ZNF527: variants seen among roughly 807,000 people sequenced by gnomAD.
ZNF527 encodes the protein zinc finger protein 527.
ZNF527 carries 5 observed loss-of-function variants against 13.5 expected under a neutral mutation model. The observed-to-expected ratio is 0.37, with a 90% CI of 0.19 to 0.78. ZNF527 has a LOEUF of 0.78. ZNF527 is among the 30% of genes least tolerant of loss of function. ZNF527 has a pLI of 0.48. For missense variants in ZNF527, 628 were observed against 726.4 expected (o/e 0.86, Z 1.56); for synonymous variants, 209 against 243.1 (o/e 0.86, Z 1.30).
At chr19:37,375,740 C>G (rs61290534) in intron 2 of ZNF527, among the ~76,000 whole-genome samples, 1 of 151,798 alleles carries the variant, frequency 6.6e-6, no homozygotes, top group African/African-American at 2.4e-5. Context: ...GGAAAGAGAT[C>G]GAAGGACTGG....
intron 2 of ZNF527, among the ~76,000 whole-genome samples, chr19:37,377,238 A>C (rs899558882): frequency 6.6e-6 from 1 of 152,176 alleles, no homozygotes; most frequent in African/African-American, 2.4e-5. Flanking sequence ...GAGAGAGGCG[A>C]AAATGTCTTC....
At position 37,389,797 on chromosome 19, in the gene ZNF527, A is replaced by C. The variant is rs1235968423; in HGVS notation, c.1748A>C (p.Lys583Thr). The change falls in exon 5 of 5, where the codon AAA (lysine) becomes ACA (threonine). Residue 583 changes from lysine (K) to threonine (T), a missense_variant. Physicochemically the swap from Lys to Thr is moderately conservative, Grantham distance 78 (BLOSUM62 -1). This residue lies in a region of ZNF527 where 592 missense variants were observed against 678.0 expected (regional missense o/e 0.87). Coordinates refer to ENST00000436120, the MANE Select transcript of ZNF527 (RefSeq NM_032453.2). ...ATTCACGCTGGAGAAAAACCTTATA[A>C]ATGTAACGAATGTGGGAATAATTTT... ...QRIHAGEKPY[K>T]CNECGNNFSC... 2.5e-6 allele frequency: 4 copies of C among 1,613,400 alleles called. No individual in the cohort carries two copies. The highest frequency in any genetic ancestry group is 3.3e-5 in the Admixed American group (2 of 60,014).
intron 4 of ZNF527, among the ~76,000 whole-genome samples, chr19:37,381,519 C>A (rs1006774050): frequency 6.6e-6 from 1 of 152,134 alleles, no homozygotes; most frequent in African/African-American, 2.4e-5. Flanking sequence ...TGCATCATTC[C>A]AAAGGATGTA....
intron 2 of ZNF527, among the ~76,000 whole-genome samples, chr19:37,377,650 T>C (rs16979502): frequency 0.029 from 4,461 of 152,252 alleles, 69 homozygotes; most frequent in Middle Eastern, 0.075. Context: ...CTGGGGCTCA[T>C]AACAGCATAG....
chr19:37,377,438 A>G (rs1350495329), intron 2 of ZNF527, among the ~76,000 whole-genome samples: 1 of 152,178 alleles, frequency 6.6e-6, no homozygotes, highest in Non-Finnish European at 1.5e-5. Context: ...TGAAATAGTT[A>G]TCAGGAGAGG....
At chr19:37,384,112 A>T (rs185687853) in intron 4 of ZNF527, among the ~76,000 whole-genome samples, 158 of 151,832 alleles carry the variant, frequency 1.0e-3, no homozygotes, top group Middle Eastern at 3.4e-3. Flanking sequence ...GAGGTCAAGA[A>T]TTCAAGACCA....
In ZNF527 at chr19:37,379,021, C is replaced by T. The variant is rs370329043; in HGVS notation, c.34-99C>T. 25 of 1,325,266 alleles carry T rather than the reference C, an allele frequency of 1.9e-5. No homozygotes were observed. In the East Asian group the frequency reaches 3.4e-4, roughly 18 times the overall value. 82.1% of individuals were successfully genotyped at this position (1,325,266 alleles called of 1,614,324 possible). A position where few individuals can be genotyped will look rare whatever the true frequency, so the allele number is the denominator to read the frequency against. On this transcript the variant is annotated intron_variant, in intron 2 of 4. Transcript: ENST00000436120. The stretch of plus-strand genomic sequence containing the variant: ...ATTGTTCTCCAATAATTATTTTCCT[C>T]GCATCACTTAGAGCTTTGAACTCTG...
intron 4 of ZNF527, among the ~76,000 whole-genome samples, chr19:37,381,512 A>C (rs1297502104): frequency 6.6e-6 from 1 of 152,238 alleles, no homozygotes; most frequent in African/African-American, 2.4e-5. Context: ...CTCTCAGTGC[A>C]TCATTCCAAA....
intron 4 of ZNF527, among the ~76,000 whole-genome samples, chr19:37,380,798 T>C (rs576789721): frequency 6.6e-6 from 1 of 152,284 alleles, no homozygotes; most frequent in Non-Finnish European, 1.5e-5. Context: ...CTTTTTCCCT[T>C]AAAGAAGGAA....
intron 1 of ZNF527, among the ~76,000 whole-genome samples, chr19:37,373,225 G>A (rs569842876): frequency 1.3e-5 from 2 of 152,236 alleles, no homozygotes; most frequent in African/African-American, 2.4e-5. Context: ...GTGCTAATAC[G>A]GCTGTGTGTG....
chr19:37,376,949 T>C (rs771541810), intron 2 of ZNF527, among the ~76,000 whole-genome samples: 2 of 152,206 alleles, frequency 1.3e-5, no homozygotes, highest in Non-Finnish European at 2.9e-5. Context: ...ATAAAAATGA[T>C]ATTTTTTCTA....
rs148278837 is a variant in ZNF527 at position 37,391,994 on chromosome 19, G to C, written c.*2115G>C. The C allele has an allele frequency of 1.3e-5, 2 of 152,282 alleles. No homozygotes were observed. The highest frequency in any genetic ancestry group is 6.5e-5 in the Admixed American group (1 of 15,290). The allele number at this position is 152,282 out of a possible 1,614,324, so 9.4% of individuals were successfully genotyped here. ...CATAGAGTGAATATATGTGTGCATAGAGTGAAATATTCAACTTATACTTAT... is the reference window on the plus strand; with the variant it reads ...CATAGAGTGAATATATGTGTGCATACAGTGAAATATTCAACTTATACTTAT... On this transcript the variant is annotated 3_prime_UTR_variant, in exon 5 of 5. Transcript: ENST00000436120.
rs929245488 is a variant in ZNF527, at chr19:37,389,554, A to G, written c.1505A>G (p.Lys502Arg). Residue 502 changes from lysine to arginine, a missense_variant, in exon 5 of 5, where the codon AAA (lysine) becomes AGA (arginine). Transcript: ENST00000436120. ...GGAGAGAGACCATTTGAATGCAGTA[A>G]ATGTGGGAAAGCCTTCAGTGATGCT... ...HTGERPFECS[K>R]CGKAFSDALV... 20 of 1,614,110 alleles carry G rather than the reference A, an allele frequency of 1.2e-5. No individual in the cohort carries two copies. Among genetic ancestry groups the G allele is most frequent in the Non-Finnish European group, 1.4e-5 (17 of 1,180,056 alleles).
At chr19:37,377,795 G>A (rs1473387938) in intron 2 of ZNF527, among the ~76,000 whole-genome samples, 2 of 151,966 alleles carry the variant, frequency 1.3e-5, no homozygotes, top group African/African-American at 4.8e-5. Context: ...GGGAGCCAGG[G>A]GAATAAGTAT....
At chr19:37,375,206 A>G (rs1040232159) in intron 2 of ZNF527, among the ~76,000 whole-genome samples, 1 of 152,026 alleles carries the variant, frequency 6.6e-6, no homozygotes, top group Non-Finnish European at 1.5e-5. Context: ...TCTGGAGTTC[A>G]GGACTACAGA....
chr19:37,374,292 C>T (rs2040582128), intron 2 of ZNF527, 61 bp downstream of exon 2: 2 of 1,558,558 alleles, frequency 1.3e-6, no homozygotes, highest in African/African-American at 2.7e-5. Flanking sequence ...GACTTTGGGA[C>T]CACAGGGAAA....
In ZNF527 at chr19:37,390,863, T is replaced by A. The variant is rs1384628301; in HGVS notation, c.*984T>A. On this transcript the variant is annotated 3_prime_UTR_variant, in exon 5 of 5. Transcript: ENST00000436120. ...TAAAAGAAAGCCTTAATTTTTTACG[T>A]GGCATAATTATTTATCCTGAGGAGC... 1 of 152,232 alleles carries A rather than the reference T, an allele frequency of 6.6e-6. No homozygotes were observed. Among genetic ancestry groups the A allele is most frequent in the Non-Finnish European group, 1.5e-5 (1 of 68,036 alleles). 9.4% of individuals were successfully genotyped at this position (152,232 alleles called of 1,614,324 possible).
chr19:37,384,691 T>C (rs1171958603), intron 4 of ZNF527, among the ~76,000 whole-genome samples: 1 of 152,224 alleles, frequency 6.6e-6, no homozygotes, highest in African/African-American at 2.4e-5. Flanking sequence ...GCTTTTGATA[T>C]TGTCCTTAAT....
intron 2 of ZNF527, among the ~76,000 whole-genome samples, chr19:37,378,643 A>G (rs2040626996): frequency 6.6e-6 from 1 of 152,186 alleles, no homozygotes; most frequent in Admixed American, 6.5e-5. Flanking sequence ...TGAAAATTCT[A>G]TCTAAGTTGC....
Sources: allele counts gnomAD v4.1 joint callset (sites outside exome capture counted in the v4.1 genomes callset), GRCh38; gene constraint gnomAD v4.1.1; regional missense constraint gnomAD v4.1.1; transcripts MANE v1.5; gene names NCBI Gene and HGNC (gene_info 2026-07-23, HGNC 2026-07-21).